Variants in ERCC5 observed in about 807,000 individuals in gnomAD.
ERCC5 encodes the protein DNA excision repair protein ERCC-5.
Under a neutral mutation model 105.6 loss-of-function variants are expected in ERCC5, and 68 were observed. That is an observed-to-expected ratio of 0.64 (90% CI 0.53 to 0.79). The LOEUF (loss-of-function observed/expected upper bound fraction) is 0.79, where lower values mean the gene tolerates loss of function less well. Among genes scored for constraint, ERCC5 ranks in the 30% least tolerant of loss-of-function variants. The pLI, the probability that ERCC5 is intolerant of heterozygous loss-of-function variation, is 0.00. For missense variants in ERCC5, 1,373 were observed against 1,426.7 expected, an observed-to-expected ratio of 0.96 and a Z score of 0.61; for synonymous variants, 546 against 526.2, an observed-to-expected ratio of 1.04 and a Z score of -0.51.
intron 12 of ERCC5, among the ~76,000 whole-genome samples, chr13:102,871,827 G>A (rs1053014009): frequency 6.6e-6 from 1 of 152,148 alleles, no homozygotes; most frequent in African/African-American, 2.4e-5. Flanking sequence ...TGTAACTTCT[G>A]TGGTATAATT....
intron 1 of ERCC5, among the ~76,000 whole-genome samples, chr13:102,847,188 T>G (rs189600155): frequency 6.6e-6 from 1 of 152,248 alleles, no homozygotes; most frequent in African/African-American, 2.4e-5. Flanking sequence ...GACTATTGTT[T>G]CTGTACATGT....
chr13:102,850,223 G>T (rs1189217378), intron 1 of ERCC5, among the ~76,000 whole-genome samples: 1 of 152,138 alleles, frequency 6.6e-6, no homozygotes, highest in Non-Finnish European at 1.5e-5. Context: ...ACCGCACTCG[G>T]CCTCAATATA....
intron 6 of ERCC5, among the ~76,000 whole-genome samples, chr13:102,860,887 A>G (rs906326859): frequency 2.0e-5 from 3 of 152,198 alleles, no homozygotes; most frequent in Non-Finnish European, 2.9e-5. Flanking sequence ...ACATTCTAGA[A>G]GATTGTTAAG....
rs781364683 is a variant in ERCC5 at position 102,875,771 on chromosome 13, G to GACC, written c.3434_3436dup (p.Thr1145dup). 6.2e-7 allele frequency: 1 copy of GACC among 1,614,076 alleles called. No individual in the cohort carries two copies. The highest frequency in any genetic ancestry group is 8.5e-7 in the Non-Finnish European group (1 of 1,180,012). ...AAGCTCCCGTGAAGAATGGAGGTGC[G>GACC]ACCACCAGCAGCTCTAGTGATAGTG... On this transcript the variant is annotated inframe_insertion, in exon 15 of 15. Coordinates refer to ENST00000652225, the MANE Select transcript of ERCC5 (RefSeq NM_000123.4).
chr13:102,852,501 A>G (rs1882245597), intron 2 of ERCC5, among the ~76,000 whole-genome samples: 2 of 152,244 alleles, frequency 1.3e-5, no homozygotes, highest in South Asian at 4.1e-4. Context: ...GTACAATGAT[A>G]AAATTTAACT....
At position 102,862,518 on chromosome 13, in the gene ERCC5, C is replaced by A. The variant is rs1297831976; in HGVS notation, c.1369C>A (p.His457Asn). 6.2e-7 allele frequency: 1 copy of A among 1,614,026 alleles called. No individual in the cohort carries two copies. Among genetic ancestry groups the A allele is most frequent in the Non-Finnish European group, 8.5e-7 (1 of 1,180,038 alleles). ...ASSSVNSAEE[H>N]VASTNEGREP... ...ATCTAGTGTGAACTCTGCAGAGGAGCACGTAGCCAGCACTAATGAGGGGAG... is the reference window on the plus strand; with the variant it reads ...ATCTAGTGTGAACTCTGCAGAGGAGAACGTAGCCAGCACTAATGAGGGGAG... The change falls in exon 8 of 15, where the codon CAC becomes AAC. Residue 457 changes from histidine (H) to asparagine (N), a missense_variant. Coordinates refer to ENST00000652225, the MANE Select transcript of ERCC5 (RefSeq NM_000123.4).
chr13:102,871,358 C>T (rs911337588), intron 12 of ERCC5, among the ~76,000 whole-genome samples: 2 of 152,244 alleles, frequency 1.3e-5, no homozygotes, highest in South Asian at 2.1e-4. Flanking sequence ...GAGTGTGTCG[C>T]TGTCTTTATC....
In ERCC5 at chr13:102,862,660, A is replaced by G; in HGVS notation, c.1511A>G (p.Glu504Gly). The change falls in exon 8 of 15, where the codon GAG (glutamate) becomes GGG (glycine). Residue 504 changes from glutamate to glycine, a missense_variant. Transcript: ENST00000652225. ...IKDRKDRLPL[E>G]SAVVRHSDAP... ...GACAGAAAAGATCGGCTGCCTCTGG[A>G]GAGTGCAGTGGTTAGACATAGTGAC... The G allele has an allele frequency of 6.2e-7, 1 of 1,614,214 alleles. No individual in the cohort carries two copies. The highest frequency in any genetic ancestry group is 8.5e-7 in the Non-Finnish European group (1 of 1,180,026).
At chr13:102,852,406 T>C in intron 2 of ERCC5, 113 bp downstream of exon 2, 3 of 1,205,120 alleles carry the variant, frequency 2.5e-6, no homozygotes, top group South Asian at 1.4e-5. Context: ...AACAGACTTA[T>C]TTTGACACAT....
chr13:102,875,274 TTTA>T (rs1231596250), intron 14 of ERCC5, 30 bp from the exon 15 acceptor site: 1 of 1,600,282 alleles, frequency 6.2e-7, no homozygotes, highest in Non-Finnish European at 8.5e-7. Flanking sequence ...ACTTGTCTGA[TTTA>T]TTATTATTAT....
chr13:102,870,420 G>A (rs7981891), intron 12 of ERCC5, among the ~76,000 whole-genome samples: 151,881 of 152,186 alleles, frequency 1, 75,790 homozygotes, highest in Middle Eastern at 1. Flanking sequence ...GAATCCTTCA[G>A]TTTCATCACA....
intron 1 of ERCC5, among the ~76,000 whole-genome samples, chr13:102,847,290 T>C (rs11618723): frequency 0.49 from 73,411 of 148,742 alleles, 19,385 homozygotes; most frequent in Non-Finnish European, 0.6. Flanking sequence ...TTCTTTGTTA[T>C]GTAGTCATTT....
At position 102,862,209 on chromosome 13, in the gene ERCC5, G is replaced by T. The variant is rs1168976182; in HGVS notation, c.1060G>T (p.Gly354Ter). The T allele has an allele frequency of 6.2e-7, 1 of 1,614,168 alleles. No individual in the cohort carries two copies. Among genetic ancestry groups the T allele is most frequent in the Non-Finnish European group, 8.5e-7 (1 of 1,180,028 alleles). The change falls in exon 8 of 15, where the codon GGA becomes TGA. Residue 354 changes from glycine to a stop codon, truncating the protein, a stop_gained. Transcript: ENST00000652225. LOFTEE classifies it high-confidence loss of function. ...TLLAMQAALLGSSSEEELESE... is the reference protein window; with the variant it reads ...TLLAMQAALL ...ACTAGCTATGCAAGCTGCCCTGCTG[G>T]GAAGTAGCTCAGAAGAGGAGCTGGA...
chr13:102,871,205 G>GTT (rs1324611263), intron 12 of ERCC5, among the ~76,000 whole-genome samples: 1 of 152,160 alleles, frequency 6.6e-6, no homozygotes, highest in Non-Finnish European at 1.5e-5. Context: ...GCATGTTGGA[G>GTT]CCAAGAGCAG....
Position 102,862,538 on chromosome 13 carries a change from G to C in ERCC5, c.1389G>C (p.Glu463Asp). Residue 463 changes from glutamate (E) to aspartate (D), a missense_variant, in exon 8 of 15, where the codon GAG becomes GAC. Coordinates refer to ENST00000652225, the MANE Select transcript of ERCC5 (RefSeq NM_000123.4). ...SAEEHVASTN[E>D]GREPTDSVPK... Reference sequence around the variant, plus strand: ...AGGAGCACGTAGCCAGCACTAATGAGGGGAGAGAGCCCACAGACTCAGTTC... The same window carrying C: ...AGGAGCACGTAGCCAGCACTAATGACGGGAGAGAGCCCACAGACTCAGTTC... 1.2e-6 allele frequency: 2 copies of C among 1,614,158 alleles called. No homozygotes were observed. Among genetic ancestry groups the C allele is most frequent in the South Asian group, 2.2e-5 (2 of 91,078 alleles).
Position 102,875,810 on chromosome 13 carries a change from G to A in ERCC5, c.3468G>A (p.Gly1156=), listed in dbSNP as rs2140544144. ...CTAGTGATAGTGATGACGATGGAGG[G>A]AAAGAGAAGATGGTCCTCGTGACCG... ...SSSSDSDDDG[G]KEKMVLVTAR... The change falls in exon 15 of 15, where the codon GGG becomes GGA. Residue 1156 remains glycine, a synonymous_variant. Coordinates refer to ENST00000652225, the MANE Select transcript of ERCC5 (RefSeq NM_000123.4). 1 of 1,613,968 alleles carries A rather than the reference G, an allele frequency of 6.2e-7. No individual in the cohort carries two copies. Among genetic ancestry groups the A allele is most frequent in the Non-Finnish European group, 8.5e-7 (1 of 1,180,022 alleles).
chr13:102,862,772 A>G lies in ERCC5; in HGVS notation c.1623A>G (p.Glu541=). The G allele has an allele frequency of 2.5e-6, 4 of 1,614,242 alleles. No individual in the cohort carries two copies. The highest frequency in any genetic ancestry group is 2.5e-6 in the Non-Finnish European group (3 of 1,180,034). ...TGTCAAAGAATGAAACACATGCTGA[A>G]GTGCTTGAGCAGCAGAACGAACTTT... ...NSVSKNETHA[E]VLEQQNELCP... is the part of the protein sequence containing the mutation. Residue 541 remains glutamate, a synonymous_variant, in exon 8 of 15, where the codon GAA becomes GAG. Transcript: ENST00000652225.
chr13:102,857,657 G>A (rs1376789395), intron 5 of ERCC5, among the ~76,000 whole-genome samples: 2 of 152,068 alleles, frequency 1.3e-5, no homozygotes, highest in African/African-American at 4.8e-5. Flanking sequence ...TATGTTATAA[G>A]CAAAATAAAA....
rs780583587 is a variant in ERCC5, at chr13:102,873,292, G to A, written c.2913G>A (p.Thr971=). 24 of 1,614,096 alleles carry A rather than the reference G, an allele frequency of 1.5e-5. No homozygotes were observed. Among genetic ancestry groups the A allele is most frequent in the Non-Finnish European group, 1.8e-5 (21 of 1,179,994 alleles). The change falls in exon 14 of 15, where the codon ACG becomes ACA. Residue 971 remains threonine, a synonymous_variant. Coordinates refer to ENST00000652225, the MANE Select transcript of ERCC5 (RefSeq NM_000123.4). Reference sequence around the variant, plus strand: ...AGCGGTATTTCGGCTGGAACAGAACGAAGACAGATGAATCTCTGTTTCCTG... The same window carrying A: ...AGCGGTATTTCGGCTGGAACAGAACAAAGACAGATGAATCTCTGTTTCCTG... ...FCQRYFGWNR[T]KTDESLFPVL... is the part of the protein sequence containing the mutation.
Sources: gnomAD v4.1 joint callset for allele counts (sites outside exome capture counted in the v4.1 genomes callset) on GRCh38, gnomAD v4.1.1 for gene constraint, MANE v1.5 for transcripts, NCBI Gene and HGNC (gene_info 2026-07-23, HGNC 2026-07-21) for gene names.